Variants in FBXL7 observed in about 807,000 individuals in gnomAD.
FBXL7 encodes F-box and leucine rich repeat protein 7.
FBXL7 carries 12 observed loss-of-function variants against 38.3 expected under a neutral mutation model. That is an observed-to-expected ratio of 0.31 (90% confidence interval 0.20 to 0.51). The LOEUF is 0.51. Among genes scored for constraint, FBXL7 ranks in the 20% least tolerant of loss-of-function variants. The pLI is 0.98. For synonymous variants in FBXL7, 297 were observed against 300.9 expected (o/e 0.99, Z 0.13); for missense variants, 567 against 676.4 (o/e 0.84, Z 1.79).
intron 1 of FBXL7, among the ~76,000 whole-genome samples, chr5:15,574,910 C>T (rs142570716): frequency 6.6e-6 from 1 of 151,158 alleles, no homozygotes; most frequent in East Asian, 1.9e-4. Flanking sequence ...TATCTCTTAG[C>T]CATTCTGACT....
chr5:15,811,271 G>A (rs1440287633), intron 2 of FBXL7, among the ~76,000 whole-genome samples: 4 of 152,172 alleles, frequency 2.6e-5, no homozygotes, highest in African/African-American at 9.7e-5. Context: ...CACAGATGGT[G>A]TGTTTAAACA....
chr5:15,728,450 G>A (rs192247929), intron 2 of FBXL7, among the ~76,000 whole-genome samples: 38 of 152,178 alleles, frequency 2.5e-4, no homozygotes, highest in Admixed American at 2.0e-3. Context: ...CCTAACTTCC[G>A]AATTCTTTGC....
chr5:15,678,129 T>C (rs1742722373), intron 2 of FBXL7, among the ~76,000 whole-genome samples: 1 of 152,316 alleles, frequency 6.6e-6, no homozygotes, highest in South Asian at 2.1e-4. Flanking sequence ...TGGAGGGATA[T>C]ACATCACATT....
At position 15,513,639 on chromosome 5, in the gene FBXL7, C is replaced by T. The variant is rs73751958; in HGVS notation, c.37+12926C>T. Among the ~76,000 whole-genome samples the T allele has an allele frequency of 2.4e-3, 369 of 152,280 alleles. 1 individual carries two copies. The highest frequency in any genetic ancestry group is 8.4e-3 in the African/African-American group (348 of 41,554). On this transcript the variant is annotated intron_variant, in intron 1 of 3. Coordinates refer to ENST00000504595, the MANE Select transcript of FBXL7 (RefSeq NM_012304.5). ...GGAGGGGATTTTACTCTGCATGACA[C>T]GAGCCTGGGTGACCTTCATTTTGAA...
At chr5:15,748,782 A>G (rs1561111014) in intron 2 of FBXL7, among the ~76,000 whole-genome samples, 1 of 152,162 alleles carries the variant, frequency 6.6e-6, no homozygotes, top group Non-Finnish European at 1.5e-5. Flanking sequence ...AGCTCACTGC[A>G]GGCTCAAACT....
At chr5:15,787,503 A>G (rs1166454405) in intron 2 of FBXL7, among the ~76,000 whole-genome samples, 1 of 152,144 alleles carries the variant, frequency 6.6e-6, no homozygotes, top group Non-Finnish European at 1.5e-5. Flanking sequence ...ATTGGAGTGA[A>G]TCTAGTTCTG....
At chr5:15,791,298 T>A (rs985868321) in intron 2 of FBXL7, among the ~76,000 whole-genome samples, 10 of 152,304 alleles carry the variant, frequency 6.6e-5, no homozygotes, top group African/African-American at 2.4e-4. Context: ...CTAACACGTT[T>A]AATTCTGTGG....
chr5:15,631,631 C>T (rs897034824), intron 2 of FBXL7, among the ~76,000 whole-genome samples: 1 of 130,718 alleles, frequency 7.7e-6, no homozygotes, highest in African/African-American at 3.0e-5. Context: ...GAGACTGCGC[C>T]ATTGCACTAC....
Position 15,541,455 on chromosome 5 carries a change from A to G in FBXL7, c.37+40742A>G, listed in dbSNP as rs1169760098. ...TATGTGTGTGTGTGTATATATATAT[A>G]TATATATATATATATATATATATAT... On this transcript the variant is annotated intron_variant, in intron 1 of 3. Transcript: ENST00000504595. Among the ~76,000 whole-genome samples, 200 of 114,096 alleles carry G rather than the reference A, an allele frequency of 1.8e-3. 4 individuals are homozygous for G. The highest frequency in any genetic ancestry group is 5.9e-3 in the African/African-American group (189 of 31,832). 74.9% of individuals were successfully genotyped at this position (114,096 alleles called of 152,430 possible).
chr5:15,901,221 C>T (rs563610934), intron 2 of FBXL7, among the ~76,000 whole-genome samples: 3 of 152,294 alleles, frequency 2.0e-5, no homozygotes, highest in East Asian at 1.9e-4. Context: ...CAGCTGGAGG[C>T]TGAGGGGTCC....
intron 2 of FBXL7, among the ~76,000 whole-genome samples, chr5:15,719,473 A>C (rs1241484328): frequency 7.0e-6 from 1 of 142,874 alleles, no homozygotes; most frequent in Non-Finnish European, 1.6e-5. Context: ...GGGAAATTTT[A>C]CAGCTAAATT....
intron 1 of FBXL7, among the ~76,000 whole-genome samples, chr5:15,548,323 T>C (rs1213725427): frequency 6.6e-6 from 1 of 152,200 alleles, no homozygotes; most frequent in Admixed American, 6.5e-5. Context: ...AAAATTCATT[T>C]TGATGTTTAT....
At chr5:15,850,288 G>A (rs1034679029) in intron 2 of FBXL7, among the ~76,000 whole-genome samples, 3 of 152,264 alleles carry the variant, frequency 2.0e-5, no homozygotes, top group Admixed American at 6.5e-5. Flanking sequence ...GATCACAAAC[G>A]TGATTCCAGG....
chr5:15,734,075 AC>A (rs1280380297), intron 2 of FBXL7, among the ~76,000 whole-genome samples: 1 of 150,848 alleles, frequency 6.6e-6, no homozygotes, highest in African/African-American at 2.4e-5. Flanking sequence ...AGATTGTGCC[AC>A]TGCACCCCAG....
chr5:15,506,724 C>G (rs888426077), intron 1 of FBXL7, among the ~76,000 whole-genome samples: 2 of 151,692 alleles, frequency 1.3e-5, no homozygotes, highest in Admixed American at 6.6e-5. Context: ...AGAGAGCAAG[C>G]TAACTCTCTG....
chr5:15,919,160 A>G (rs1283525998), intron 2 of FBXL7, among the ~76,000 whole-genome samples: 2 of 152,210 alleles, frequency 1.3e-5, no homozygotes, highest in African/African-American at 4.8e-5. Flanking sequence ...ATCTTGCACA[A>G]AAGTTTTGGT....
intron 2 of FBXL7, among the ~76,000 whole-genome samples, chr5:15,785,493 A>G (rs914813340): frequency 3.9e-5 from 6 of 152,224 alleles, no homozygotes; most frequent in South Asian, 2.1e-4. Flanking sequence ...TGTTTTATAC[A>G]CGGAAGAAGA....
chr5:15,642,724 A>G (rs922918076), intron 2 of FBXL7, among the ~76,000 whole-genome samples: 1 of 152,186 alleles, frequency 6.6e-6, no homozygotes, highest in Non-Finnish European at 1.5e-5. Flanking sequence ...AGATAGGCCA[A>G]CGGGGAAGCA....
intron 2 of FBXL7, among the ~76,000 whole-genome samples, chr5:15,710,602 A>G (rs1743834042): frequency 6.6e-6 from 1 of 152,202 alleles, no homozygotes; most frequent in South Asian, 2.1e-4. Flanking sequence ...GTAGGAGGTA[A>G]GCTCCATGAA....
Sources: allele counts gnomAD v4.1 joint callset (sites outside exome capture counted in the v4.1 genomes callset), GRCh38; gene constraint gnomAD v4.1.1; transcripts MANE v1.5; gene names NCBI Gene and HGNC (gene_info 2026-07-23, HGNC 2026-07-21).